NKAIN3: variants seen among roughly 807,000 people sequenced by gnomAD.
The protein encoded by NKAIN3 is sodium/potassium-transporting ATPase subunit beta-1-interacting protein 3.
NKAIN3 carries 25 observed loss-of-function variants against 30.2 expected under a neutral mutation model. The observed-to-expected ratio is 0.83, with a 90% CI of 0.60 to 1.16. The LOEUF (loss-of-function observed/expected upper bound fraction) is 1.16, where lower values mean the gene tolerates loss of function less well. Among genes scored for constraint, NKAIN3 ranks in the 50% most tolerant of loss-of-function variants. The pLI is 0.00. For synonymous variants in NKAIN3, 91 were observed against 89.6 expected (o/e 1.02, Z -0.09); for missense variants, 225 against 254.1 (o/e 0.89, Z 0.78).
intron 1 of NKAIN3, among the ~76,000 whole-genome samples, chr8:62,286,658 C>T (rs1813388762): frequency 6.6e-6 from 1 of 152,120 alleles, no homozygotes; most frequent in African/African-American, 2.4e-5. Flanking sequence ...TGGCAAGTCA[C>T]TGCTACTGAT....
chr8:62,916,625 T>A (rs1822113647), intron 4 of NKAIN3, among the ~76,000 whole-genome samples: 1 of 152,158 alleles, frequency 6.6e-6, no homozygotes, highest in South Asian at 2.1e-4. Context: ...ATTAAATATC[T>A]AGTCCAGGTT....
intron 1 of NKAIN3, among the ~76,000 whole-genome samples, chr8:62,298,460 C>T (rs1034506697): frequency 2.0e-5 from 3 of 152,078 alleles, no homozygotes; most frequent in African/African-American, 7.2e-5. Context: ...AACTACTTCC[C>T]ACCACAGTTA....
At chr8:62,415,712 G>T (rs1804422380) in intron 1 of NKAIN3, among the ~76,000 whole-genome samples, 1 of 150,892 alleles carries the variant, frequency 6.6e-6, no homozygotes, top group African/African-American at 2.4e-5. Flanking sequence ...TCTTCCTTTT[G>T]CAGGTACAGA....
intron 3 of NKAIN3, among the ~76,000 whole-genome samples, chr8:62,639,403 A>G (rs1013318469): frequency 6.6e-6 from 1 of 152,146 alleles, no homozygotes; most frequent in Non-Finnish European, 1.5e-5. Flanking sequence ...ACAGAAAAGG[A>G]ATGAAACTCA....
chr8:62,789,129 G>C (rs1817623280), intron 4 of NKAIN3, among the ~76,000 whole-genome samples: 1 of 152,040 alleles, frequency 6.6e-6, no homozygotes, highest in Admixed American at 6.6e-5. Flanking sequence ...TGGGCAGTAT[G>C]GCCATTTTCA....
chr8:62,715,962 G>A (rs1814888562), intron 3 of NKAIN3, among the ~76,000 whole-genome samples: 1 of 152,210 alleles, frequency 6.6e-6, no homozygotes, highest in Admixed American at 6.5e-5. Flanking sequence ...TAGCACAGGG[G>A]TGTTTAGAGA....
At chr8:62,730,444 A>G (rs1352086712) in intron 3 of NKAIN3, among the ~76,000 whole-genome samples, 1 of 152,058 alleles carries the variant, frequency 6.6e-6, no homozygotes. Flanking sequence ...CAGCTCATTA[A>G]TTTCAGCCTT....
At chr8:62,875,346 A>G (rs1820763439) in intron 4 of NKAIN3, among the ~76,000 whole-genome samples, 1 of 152,184 alleles carries the variant, frequency 6.6e-6, no homozygotes, top group African/African-American at 2.4e-5. Context: ...AAATGAAAAA[A>G]CATTCCATCC....
intron 1 of NKAIN3, among the ~76,000 whole-genome samples, chr8:62,323,968 G>A (rs1391808743): frequency 2.6e-5 from 4 of 152,072 alleles, no homozygotes; most frequent in Non-Finnish European, 5.9e-5. Flanking sequence ...GGGAGGGAGA[G>A]AGGGAAGGAC....
At chr8:62,262,416 A>G (rs1287830295) in intron 1 of NKAIN3, among the ~76,000 whole-genome samples, 3 of 151,894 alleles carry the variant, frequency 2.0e-5, no homozygotes, top group Non-Finnish European at 4.4e-5. Context: ...ATAATCTGCT[A>G]ATACCACTGG....
intron 4 of NKAIN3, among the ~76,000 whole-genome samples, chr8:62,810,911 C>T (rs1254215787): frequency 2.0e-5 from 3 of 152,012 alleles, no homozygotes; most frequent in Non-Finnish European, 4.4e-5. Context: ...TTGTTTTCCC[C>T]AGTAATAACT....
chr8:62,489,587 G>C (rs1055913848), intron 1 of NKAIN3, among the ~76,000 whole-genome samples: 5 of 152,108 alleles, frequency 3.3e-5, no homozygotes, highest in African/African-American at 1.2e-4. Context: ...TAGGTTTTAA[G>C]GAGTAACATT....
At chr8:62,865,100 T>C (rs912615520) in intron 4 of NKAIN3, among the ~76,000 whole-genome samples, 1 of 152,010 alleles carries the variant, frequency 6.6e-6, no homozygotes, top group Non-Finnish European at 1.5e-5. Flanking sequence ...TGGGGAAATA[T>C]TTCGAGGAGT....
At chr8:62,371,405 AT>A (rs1816904493) in intron 1 of NKAIN3, among the ~76,000 whole-genome samples, 1 of 152,018 alleles carries the variant, frequency 6.6e-6, no homozygotes, top group South Asian at 2.1e-4. Flanking sequence ...CATTTTAAAA[AT>A]TGTTATTCTA....
chr8:62,297,098 C>T (rs1048351731), intron 1 of NKAIN3, among the ~76,000 whole-genome samples: 1 of 152,064 alleles, frequency 6.6e-6, no homozygotes, highest in Admixed American at 6.6e-5. Context: ...GCTTGGTCTT[C>T]TTTTATTCTT....
At chr8:62,293,146 G>T (rs1813708154) in intron 1 of NKAIN3, among the ~76,000 whole-genome samples, 1 of 151,862 alleles carries the variant, frequency 6.6e-6, no homozygotes, top group Non-Finnish European at 1.5e-5. Flanking sequence ...CTTTTTTCAA[G>T]GTTTTTAGCT....
chr8:62,398,870 T>C (rs1375877629), intron 1 of NKAIN3, among the ~76,000 whole-genome samples: 2 of 152,206 alleles, frequency 1.3e-5, no homozygotes, highest in Non-Finnish European at 2.9e-5. Flanking sequence ...GGCAGGCAGA[T>C]CACGAGGTCA....
chr8:62,864,150 C>A, intron 4 of NKAIN3: 1 of 623,448 alleles, frequency 1.6e-6, no homozygotes, highest in Non-Finnish European at 2.8e-6. Flanking sequence ...GGAAACCAGC[C>A]GGGCTGCGGC....
chr8:62,571,535 C>T (rs563411274), intron 1 of NKAIN3, among the ~76,000 whole-genome samples: 1 of 152,270 alleles, frequency 6.6e-6, no homozygotes, highest in East Asian at 1.9e-4. Flanking sequence ...CACAACTCCA[C>T]TAGGCAGTAC....
Sources: allele counts gnomAD v4.1 joint callset (sites outside exome capture counted in the v4.1 genomes callset), GRCh38; gene constraint gnomAD v4.1.1; transcripts MANE v1.5; gene names NCBI Gene and HGNC (gene_info 2026-07-23, HGNC 2026-07-21).